Variants in LMX1A observed in about 807,000 individuals in gnomAD.
LMX1A encodes LIM homeobox transcription factor 1-alpha.
A neutral mutation model predicts 49.1 loss-of-function variants in LMX1A; 15 were observed. The ratio of observed to expected loss-of-function variants is 0.31; its 90% CI spans 0.20 to 0.47. The LOEUF is 0.47. Among genes scored for constraint, LMX1A ranks in the 20% least tolerant of loss-of-function variants. The pLI is 1.00. For missense variants in LMX1A, 372 were observed against 475.8 expected, an observed-to-expected ratio of 0.78 and a Z score of 2.03; for synonymous variants, 167 against 185.7, an observed-to-expected ratio of 0.90 and a Z score of 0.82.
chr1:165,280,877 G>A (rs1654125850), intron 3 of LMX1A, among the ~76,000 whole-genome samples: 1 of 152,084 alleles, frequency 6.6e-6, no homozygotes, highest in South Asian at 2.1e-4. Flanking sequence ...AATTCCCCAG[G>A]ATCTGTGCAT....
At chr1:165,308,539 A>G (rs1464850031) in intron 3 of LMX1A, among the ~76,000 whole-genome samples, 4 of 152,224 alleles carry the variant, frequency 2.6e-5, no homozygotes, top group Non-Finnish European at 5.9e-5. Flanking sequence ...TAATTTTTTA[A>G]AACAGTACTG....
chr1:165,233,814 A>C (rs559703308), intron 4 of LMX1A, among the ~76,000 whole-genome samples: 25 of 152,294 alleles, frequency 1.6e-4, no homozygotes, highest in Admixed American at 1.4e-3. Context: ...CATTGTGTCC[A>C]CAGCACTTAG....
chr1:165,318,999 TCACA>T (rs35582531), intron 3 of LMX1A, among the ~76,000 whole-genome samples: 42,308 of 116,768 alleles, frequency 0.36, 6,576 homozygotes, highest in East Asian at 0.48. Context: ...TCTCTCTCTC[TCACA>T]CACACACACA....
chr1:165,351,118 T>C (rs533945016), intron 3 of LMX1A, among the ~76,000 whole-genome samples: 22 of 152,354 alleles, frequency 1.4e-4, no homozygotes, highest in African/African-American at 5.3e-4. Context: ...TAAAGAAGAT[T>C]TGACTGGCCA....
At chr1:165,209,088 A>G (rs1214382614) in intron 6 of LMX1A, among the ~76,000 whole-genome samples, 1 of 152,116 alleles carries the variant, frequency 6.6e-6, no homozygotes, top group Non-Finnish European at 1.5e-5. Flanking sequence ...AATTTTCTTT[A>G]TTGCAAGATT....
At chr1:165,264,822 A>G (rs532053331) in intron 3 of LMX1A, among the ~76,000 whole-genome samples, 121 of 152,050 alleles carry the variant, frequency 8.0e-4, no homozygotes, top group Non-Finnish European at 3.4e-4. Flanking sequence ...GGGGAGGATT[A>G]CTTGAGCCCA....
At chr1:165,289,816 C>T (rs1198153659) in intron 3 of LMX1A, among the ~76,000 whole-genome samples, 1 of 152,224 alleles carries the variant, frequency 6.6e-6, no homozygotes, top group African/African-American at 2.4e-5. Context: ...GATAGGAGTA[C>T]TGTGCAAACT....
intron 3 of LMX1A, among the ~76,000 whole-genome samples, chr1:165,284,926 G>A (rs1027391037): frequency 5.3e-5 from 8 of 152,204 alleles, no homozygotes; most frequent in East Asian, 1.9e-4. Flanking sequence ...GGAAAATCAC[G>A]TATGGTTGTT....
At chr1:165,258,815 T>C (rs914833486) in intron 3 of LMX1A, among the ~76,000 whole-genome samples, 2 of 152,196 alleles carry the variant, frequency 1.3e-5, no homozygotes, top group Admixed American at 6.5e-5. Context: ...CAAGACACTG[T>C]GGGAAGAGGA....
intron 3 of LMX1A, among the ~76,000 whole-genome samples, chr1:165,344,934 C>T (rs1352045280): frequency 6.6e-6 from 1 of 152,236 alleles, no homozygotes; most frequent in Non-Finnish European, 1.5e-5. Context: ...CTGGCATCAG[C>T]TCCGACTCAG....
At chr1:165,260,664 T>C (rs1653406544) in intron 3 of LMX1A, among the ~76,000 whole-genome samples, 1 of 152,158 alleles carries the variant, frequency 6.6e-6, no homozygotes, top group South Asian at 2.1e-4. Flanking sequence ...CTGCCTAGCA[T>C]ATAACAATGC....
chr1:165,284,300 G>A (rs1284394354), intron 3 of LMX1A, among the ~76,000 whole-genome samples: 2 of 152,218 alleles, frequency 1.3e-5, no homozygotes, highest in African/African-American at 4.8e-5. Flanking sequence ...ATTGAGATAG[G>A]TGGAATTTTC....
At chr1:165,261,199 A>G (rs74757187) in intron 3 of LMX1A, among the ~76,000 whole-genome samples, 7,894 of 152,214 alleles carry the variant, frequency 0.052, 294 homozygotes, top group Middle Eastern at 0.086. Context: ...AAGTTTCAAT[A>G]AAGTCTGATC....
intron 3 of LMX1A, among the ~76,000 whole-genome samples, chr1:165,293,066 G>A (rs563814203): frequency 2.0e-5 from 3 of 151,354 alleles, no homozygotes; most frequent in East Asian, 1.9e-4. Context: ...GCAGTGAGCC[G>A]AGATTGCACC....
chr1:165,281,888 AT>A (rs1654163026), intron 3 of LMX1A, among the ~76,000 whole-genome samples: 1 of 152,056 alleles, frequency 6.6e-6, no homozygotes, highest in African/African-American at 2.4e-5. Context: ...TATCCATATG[AT>A]TTTTCCCCAG....
At chr1:165,312,419 T>G (rs899188393) in intron 3 of LMX1A, among the ~76,000 whole-genome samples, 14 of 152,222 alleles carry the variant, frequency 9.2e-5, no homozygotes, top group African/African-American at 2.9e-4. Flanking sequence ...TGGTTATAAA[T>G]TATTTGACTG....
intron 3 of LMX1A, among the ~76,000 whole-genome samples, chr1:165,288,806 C>T (rs1557874418): frequency 6.6e-6 from 1 of 152,214 alleles, no homozygotes; most frequent in Non-Finnish European, 1.5e-5. Flanking sequence ...ATTCATGGTG[C>T]CTTATTGCTG....
chr1:165,250,325 T>C (rs1231946223), intron 3 of LMX1A, among the ~76,000 whole-genome samples: 5 of 152,186 alleles, frequency 3.3e-5, no homozygotes, highest in African/African-American at 9.7e-5. Flanking sequence ...CTTTCAAAGG[T>C]TGGTCTACAG....
intron 4 of LMX1A, among the ~76,000 whole-genome samples, chr1:165,238,187 A>T (rs1225535628): frequency 6.6e-6 from 1 of 152,166 alleles, no homozygotes; most frequent in Non-Finnish European, 1.5e-5. Context: ...AGATGGTAGG[A>T]CATTACAGGT....
Sources: gnomAD v4.1 joint callset for allele counts (sites outside exome capture counted in the v4.1 genomes callset) on GRCh38, gnomAD v4.1.1 for gene constraint, MANE v1.5 for transcripts, NCBI Gene and HGNC (gene_info 2026-07-23, HGNC 2026-07-21) for gene names.